ZC3H14: variants seen among roughly 807,000 people sequenced by gnomAD.
ZC3H14 encodes the protein zinc finger CCCH domain-containing protein 14.
Under a neutral mutation model 92.4 loss-of-function variants are expected in ZC3H14, and 31 were observed. That is an observed-to-expected ratio of 0.34 (90% CI 0.25 to 0.45). The LOEUF is 0.45. Among genes scored for constraint, ZC3H14 ranks in the 20% least tolerant of loss-of-function variants. ZC3H14 has a pLI of 1.00. For missense variants in ZC3H14, 781 were observed against 897.3 expected (o/e 0.87, Z 1.66); for synonymous variants, 321 against 300.9 (o/e 1.07, Z -0.69).
Position 88,621,669 on chromosome 14 carries a change from C to A in ZC3H14, c.*9918C>A. ...TTATTTTTTAGTTAAAAAGTAAAAG[C>A]TTAACTACAATTTAATATGCAGGCT... On this transcript the variant is annotated 3_prime_UTR_variant, in exon 17 of 17. Coordinates refer to ENST00000251038, the MANE Select transcript of ZC3H14 (RefSeq NM_024824.5). 3.6e-6 allele frequency: 1 copy of A among 275,676 alleles called. No individual in the cohort carries two copies. The highest frequency in any genetic ancestry group is 7.1e-6 in the Non-Finnish European group (1 of 140,166). 17.1% of individuals were successfully genotyped at this position (275,676 alleles called of 1,614,324 possible).
chr14:88,606,839 G>A (rs2085493058), intron 12 of ZC3H14, among the ~76,000 whole-genome samples: 1 of 151,880 alleles, frequency 6.6e-6, no homozygotes, highest in African/African-American at 2.4e-5. Flanking sequence ...TTGTATTTGG[G>A]CCACTCATCA....
At position 88,621,429 on chromosome 14, in the gene ZC3H14, G is replaced by T; in HGVS notation, c.*9678G>T. 6 of 998,306 alleles carry T rather than the reference G, an allele frequency of 6.0e-6. No individual in the cohort carries two copies. Among genetic ancestry groups the T allele is most frequent in the South Asian group, 3.0e-5 (2 of 66,864 alleles). 61.8% of individuals were successfully genotyped at this position (998,306 alleles called of 1,614,324 possible). ...TGCTTTGAGCTAATCTAGTAGCAAG[G>T]CAGTCATTAGCTCATGCAAATTTTT... On this transcript the variant is annotated 3_prime_UTR_variant, in exon 17 of 17. Transcript: ENST00000251038.
intron 8 of ZC3H14, among the ~76,000 whole-genome samples, chr14:88,577,588 G>C (rs145338719): frequency 1.2e-3 from 188 of 151,136 alleles, no homozygotes; most frequent in African/African-American, 4.4e-3. Flanking sequence ...TTTTTTTGGA[G>C]ACAGAGTCTC....
chr14:88,610,017 G>T (rs916777621), intron 15 of ZC3H14, among the ~76,000 whole-genome samples: 3 of 152,114 alleles, frequency 2.0e-5, no homozygotes, highest in Non-Finnish European at 2.9e-5. Context: ...GCACTCAGTG[G>T]GGGGAAGCAT....
chr14:88,572,070 T>C lies in ZC3H14; in HGVS notation c.276T>C (p.Asp92=). 1.2e-6 allele frequency: 2 copies of C among 1,614,176 alleles called. No homozygotes were observed. Among genetic ancestry groups the C allele is most frequent in the Non-Finnish European group, 1.7e-6 (2 of 1,180,034 alleles). ...SLKSSDTNIF[D]SNVPSNKSNF... ...AGTCTTCTGATACCAACATCTTTGA[T>C]AGTAACGTGCCTTCAAACAAGAGCA... Residue 92 remains aspartate, a synonymous_variant, in exon 5 of 17, where the codon GAT becomes GAC. Transcript: ENST00000251038.
chr14:88,569,322 T>G (rs536203772), intron 3 of ZC3H14, among the ~76,000 whole-genome samples: 1 of 152,348 alleles, frequency 6.6e-6, no homozygotes, highest in South Asian at 2.1e-4. Flanking sequence ...TTTTTAAGCT[T>G]TTTGTTAAAC....
At chr14:88,563,980 T>C (rs1199245168) in intron 2 of ZC3H14, among the ~76,000 whole-genome samples, 4 of 152,200 alleles carry the variant, frequency 2.6e-5, no homozygotes, top group Non-Finnish European at 5.9e-5. Flanking sequence ...TCTCTCATTT[T>C]AAATTCTAGG....
chr14:88,587,576 A>G (rs917095287), intron 9 of ZC3H14, among the ~76,000 whole-genome samples: 8 of 152,102 alleles, frequency 5.3e-5, no homozygotes, highest in African/African-American at 1.9e-4. Flanking sequence ...TCAAATTTAC[A>G]TTTTGTTCCC....
At chr14:88,584,402 G>A (rs1465892673) in intron 9 of ZC3H14, among the ~76,000 whole-genome samples, 1 of 152,158 alleles carries the variant, frequency 6.6e-6, no homozygotes, top group Non-Finnish European at 1.5e-5. Flanking sequence ...GTAGCTACTA[G>A]ACTAACATTT....
At chr14:88,600,365 C>G (rs139454335) in intron 10 of ZC3H14, among the ~76,000 whole-genome samples, 1 of 152,212 alleles carries the variant, frequency 6.6e-6, no homozygotes, top group Admixed American at 6.5e-5. Context: ...TCTGGTTCTT[C>G]CTTAACACTG....
intron 2 of ZC3H14, among the ~76,000 whole-genome samples, chr14:88,563,917 C>T (rs1037703659): frequency 2.0e-5 from 3 of 152,098 alleles, no homozygotes; most frequent in Non-Finnish European, 2.9e-5. Flanking sequence ...TAGTTTCCTC[C>T]GTTAAGGCTC....
intron 9 of ZC3H14, among the ~76,000 whole-genome samples, chr14:88,587,167 C>CT (rs11462440): frequency 0.58 from 85,787 of 147,578 alleles, 27,007 homozygotes; most frequent in Non-Finnish European, 0.73. Context: ...CCTTCAATTC[C>CT]TTTTTTTTTT....
At chr14:88,586,380 T>G (rs770357150) in intron 9 of ZC3H14, among the ~76,000 whole-genome samples, 5 of 152,256 alleles carry the variant, frequency 3.3e-5, no homozygotes, top group Non-Finnish European at 5.9e-5. Flanking sequence ...GGCAATATAT[T>G]TTCCAAGAGT....
intron 1 of ZC3H14, 66 bp from the exon 2 acceptor site, chr14:88,563,585 G>C: frequency 6.3e-7 from 1 of 1,599,254 alleles, no homozygotes; most frequent in Non-Finnish European, 8.6e-7. Flanking sequence ...CTCAGCCGCT[G>C]CAGAGTCCGG....
chr14:88,577,860 C>CAT (rs2081362771), intron 8 of ZC3H14, 125 bp from the exon 9 acceptor site: 1 of 1,268,870 alleles, frequency 7.9e-7, no homozygotes, highest in Non-Finnish European at 1.1e-6. Context: ...TGAGCCACTG[C>CAT]GCCCAGCCTG....
chr14:88,571,194 T>C (rs1293253326), intron 4 of ZC3H14, 70 bp downstream of exon 4: 1 of 1,393,924 alleles, frequency 7.2e-7, no homozygotes. Context: ...TCTAAAGTCA[T>C]AGTGCTTTGG....
At position 88,572,208 on chromosome 14, in the gene ZC3H14, A is replaced by G. The variant is rs375359836; in HGVS notation, c.414A>G (p.Ser138=). ...DSRVSTSSQE[S]KTTNVRQTYD... ...GAGTTTCTACAAGTTCGCAGGAGTCAAAAACCACAAATGTCAGGTAAGAGT... is the reference window on the plus strand; with the variant it reads ...GAGTTTCTACAAGTTCGCAGGAGTCGAAAACCACAAATGTCAGGTAAGAGT... The change falls in exon 5 of 17, where the codon TCA becomes TCG. Residue 138 remains serine (S), a synonymous_variant. Transcript: ENST00000251038. 1.1e-5 allele frequency: 18 copies of G among 1,613,858 alleles called. No individual in the cohort carries two copies. The highest frequency in any genetic ancestry group is 1.1e-4 in the African/African-American group (8 of 74,924).
intron 16 of ZC3H14, 96 bp from the exon 17 acceptor site, chr14:88,611,649 T>G: frequency 7.0e-7 from 1 of 1,428,130 alleles, no homozygotes. Context: ...ACCAAATATT[T>G]ATTGCTTAAA....
At chr14:88,610,645 T>TAA (rs11453178) in intron 15 of ZC3H14, among the ~76,000 whole-genome samples, 189 bp from the exon 16 acceptor site, 90,800 of 144,352 alleles carry the variant, frequency 0.63, 29,223 homozygotes, top group Non-Finnish European at 0.71. Context: ...CCCCATCTCT[T>TAA]AAAAAAAAAA....
Sources: gnomAD v4.1 joint callset for allele counts (sites outside exome capture counted in the v4.1 genomes callset) on GRCh38, gnomAD v4.1.1 for gene constraint, MANE v1.5 for transcripts, NCBI Gene and HGNC (gene_info 2026-07-23, HGNC 2026-07-21) for gene names.